The following GRXCR1 variants were observed in gnomAD, a reference collection of about 807,000 sequenced individuals.
GRXCR1 encodes glutaredoxin and cysteine rich domain containing 1.
Under a neutral mutation model 27.3 loss-of-function variants are expected in GRXCR1, and 27 were observed. The ratio of observed to expected loss-of-function variants is 0.99; its 90% CI spans 0.73 to 1.37. The LOEUF (loss-of-function observed/expected upper bound fraction) is 1.37. GRXCR1 is among the 40% of genes most tolerant of loss of function. GRXCR1 has a pLI of 0.00. For missense variants in GRXCR1, 379 were observed against 354.4 expected, an observed-to-expected ratio of 1.07 and a Z score of -0.56; for synonymous variants, 122 against 131.1, an observed-to-expected ratio of 0.93 and a Z score of 0.47.
rs1449594615 is a variant in GRXCR1 at position 42,920,551 on chromosome 4, C to T, written c.384+26901C>T. 2.6e-5 allele frequency among the ~76,000 whole-genome samples: 4 copies of T among 152,080 alleles called. No homozygotes were observed. In the South Asian group the frequency reaches 6.2e-4, roughly 24 times the overall value. The stretch of plus-strand genomic sequence containing the variant: ...GCTGGAAGCTTAGAGAATGTGTTGA[C>T]GTGGTTTGTACAAAGCAGCCATTAG... On this transcript the variant is annotated intron_variant, in intron 1 of 3. Coordinates refer to ENST00000399770, the MANE Select transcript of GRXCR1 (RefSeq NM_001080476.3).
At chr4:42,940,968 T>C (rs1747604766) in intron 1 of GRXCR1, among the ~76,000 whole-genome samples, 1 of 152,116 alleles carries the variant, frequency 6.6e-6, no homozygotes, top group Non-Finnish European at 1.5e-5. Context: ...TGAATATATT[T>C]AATCAATTAT....
intron 1 of GRXCR1, among the ~76,000 whole-genome samples, chr4:42,957,770 G>C (rs576905571): frequency 2.0e-5 from 3 of 151,466 alleles, no homozygotes; most frequent in Non-Finnish European, 4.4e-5. Flanking sequence ...ATTTCTGCTT[G>C]ATTCTTTTAT....
intron 1 of GRXCR1, among the ~76,000 whole-genome samples, chr4:42,918,288 G>A (rs920101378): frequency 2.6e-5 from 4 of 152,098 alleles, no homozygotes; most frequent in Non-Finnish European, 5.9e-5. Context: ...ATTAATGAGA[G>A]TGAAGACTTC....
At chr4:42,936,406 T>A (rs2109760179) in intron 1 of GRXCR1, among the ~76,000 whole-genome samples, 1 of 152,046 alleles carries the variant, frequency 6.6e-6, no homozygotes, top group African/African-American at 2.4e-5. Flanking sequence ...GAATTTTTTA[T>A]GTTTACTGGC....
chr4:42,899,044 CCA>C (rs1239610677), intron 1 of GRXCR1, among the ~76,000 whole-genome samples: 6 of 152,096 alleles, frequency 3.9e-5, no homozygotes, highest in Admixed American at 3.9e-4. Context: ...AGTCCTGTGA[CCA>C]CCTTGCACAT....
intron 1 of GRXCR1, among the ~76,000 whole-genome samples, chr4:42,914,284 C>G (rs768310724): frequency 2.6e-5 from 4 of 152,236 alleles, no homozygotes; most frequent in Non-Finnish European, 5.9e-5. Flanking sequence ...GGGCTGTATC[C>G]TGCAAAGCCA....
chr4:42,951,386 C>T (rs759843271), intron 1 of GRXCR1, among the ~76,000 whole-genome samples: 5 of 152,098 alleles, frequency 3.3e-5, no homozygotes, highest in Admixed American at 2.0e-4. Context: ...CTAGCCAAGT[C>T]GACACATAAC....
At chr4:42,952,620 T>A (rs1048174863) in intron 1 of GRXCR1, among the ~76,000 whole-genome samples, 1 of 151,990 alleles carries the variant, frequency 6.6e-6, no homozygotes, top group Non-Finnish European at 1.5e-5. Context: ...CCCTATAAGA[T>A]CAAGACAAGA....
At chr4:42,988,590 T>TGG (rs1711855801) in intron 2 of GRXCR1, among the ~76,000 whole-genome samples, 1 of 152,226 alleles carries the variant, frequency 6.6e-6, no homozygotes, top group Non-Finnish European at 1.5e-5. Context: ...AGTATATTTT[T>TGG]CCTTTGTAGA....
At chr4:42,927,331 C>A (rs1428088221) in intron 1 of GRXCR1, among the ~76,000 whole-genome samples, 1 of 151,872 alleles carries the variant, frequency 6.6e-6, no homozygotes, top group Non-Finnish European at 1.5e-5. Flanking sequence ...ATGATGCTAC[C>A]AAAAGTTAGT....
chr4:42,986,582 G>A (rs1288749059), intron 2 of GRXCR1, among the ~76,000 whole-genome samples: 2 of 152,168 alleles, frequency 1.3e-5, no homozygotes, highest in Non-Finnish European at 2.9e-5. Context: ...GGAAGTTCAA[G>A]CTCTCTGCTG....
At chr4:42,915,665 A>G (rs373392017) in intron 1 of GRXCR1, among the ~76,000 whole-genome samples, 11 of 151,914 alleles carry the variant, frequency 7.2e-5, no homozygotes, top group African/African-American at 2.4e-4. Context: ...CTGCATTTCT[A>G]TATATCTAGT....
chr4:42,957,303 GCTTT>G (rs903059522), intron 1 of GRXCR1, among the ~76,000 whole-genome samples: 14 of 151,904 alleles, frequency 9.2e-5, no homozygotes, highest in Non-Finnish European at 1.3e-4. Context: ...TGATATTTTG[GCTTT>G]CTATTACTTT....
intron 2 of GRXCR1, among the ~76,000 whole-genome samples, chr4:43,006,324 T>C (rs1274204340): frequency 6.6e-6 from 1 of 152,198 alleles, no homozygotes; most frequent in Non-Finnish European, 1.5e-5. Context: ...AACCTTAAAC[T>C]CTGACTGCCG....
intron 1 of GRXCR1, among the ~76,000 whole-genome samples, chr4:42,961,074 C>G (rs936747530): frequency 6.6e-6 from 1 of 151,874 alleles, no homozygotes; most frequent in Non-Finnish European, 1.5e-5. Context: ...TTGTTCACTT[C>G]CCACTTATAA....
intron 1 of GRXCR1, among the ~76,000 whole-genome samples, chr4:42,905,858 T>C (rs1463278552): frequency 6.6e-6 from 1 of 152,106 alleles, no homozygotes; most frequent in Non-Finnish European, 1.5e-5. Context: ...AGGTAGAAGA[T>C]AGCATGGGAG....
intron 1 of GRXCR1, among the ~76,000 whole-genome samples, chr4:42,931,495 C>T (rs1294486550): frequency 6.6e-6 from 1 of 151,842 alleles, no homozygotes; most frequent in Admixed American, 6.6e-5. Flanking sequence ...TAGTATCTTC[C>T]AGAAGTTTTG....
intron 2 of GRXCR1, among the ~76,000 whole-genome samples, chr4:43,015,821 G>A: frequency 6.6e-6 from 1 of 151,428 alleles, no homozygotes; most frequent in Non-Finnish European, 1.5e-5. Context: ...AAATATATGT[G>A]TATATATACA....
At chr4:43,001,523 G>A (rs1390804711) in intron 2 of GRXCR1, among the ~76,000 whole-genome samples, 1 of 152,098 alleles carries the variant, frequency 6.6e-6, no homozygotes, top group East Asian at 1.9e-4. Context: ...GTTTTCCCGG[G>A]GAGAAATGTT....
Sources: allele counts gnomAD v4.1 joint callset (sites outside exome capture counted in the v4.1 genomes callset), GRCh38; gene constraint gnomAD v4.1.1; transcripts MANE v1.5; gene names NCBI Gene and HGNC (gene_info 2026-07-23, HGNC 2026-07-21).